NSMCE2: variants seen among roughly 807,000 people sequenced by gnomAD.
NSMCE2 encodes E3 SUMO-protein ligase NSE2.
A neutral mutation model predicts 23.8 loss-of-function variants in NSMCE2; 24 were observed. The observed-to-expected ratio is 1.01, with a 90% CI of 0.73 to 1.42. NSMCE2 has a LOEUF of 1.42. Among genes scored for constraint, NSMCE2 ranks in the 40% most tolerant of loss-of-function variants. NSMCE2 has a pLI of 0.00. For missense variants in NSMCE2, 284 were observed against 296.5 expected (o/e 0.96, Z 0.31); for synonymous variants, 92 against 94.1 (o/e 0.98, Z 0.13).
At chr8:125,344,715 CCTGG>C (rs1362279441) in intron 5 of NSMCE2, among the ~76,000 whole-genome samples, 3 of 149,726 alleles carry the variant, frequency 2.0e-5, no homozygotes, top group African/African-American at 7.4e-5. Flanking sequence ...TGCACTCCAG[CCTGG>C]CTGACAGAGC....
At chr8:125,277,448 A>T (rs1827499198) in intron 5 of NSMCE2, among the ~76,000 whole-genome samples, 1 of 152,218 alleles carries the variant, frequency 6.6e-6, no homozygotes. Flanking sequence ...AAAAAGGCAC[A>T]GGATTGAATA....
chr8:125,224,783 T>C (rs1825023748), intron 5 of NSMCE2, among the ~76,000 whole-genome samples: 1 of 152,192 alleles, frequency 6.6e-6, no homozygotes, highest in Admixed American at 6.5e-5. Flanking sequence ...GAGGAGGATA[T>C]TGAGGCTCAT....
At chr8:125,146,517 C>T (rs1320047408) in intron 3 of NSMCE2, among the ~76,000 whole-genome samples, 1 of 152,070 alleles carries the variant, frequency 6.6e-6, no homozygotes, top group African/African-American at 2.4e-5. Flanking sequence ...CAATGATAGA[C>T]TGGATTAAGA....
chr8:125,213,043 G>A (rs906100227), intron 5 of NSMCE2, among the ~76,000 whole-genome samples: 1 of 152,120 alleles, frequency 6.6e-6, no homozygotes, highest in African/African-American at 2.4e-5. Flanking sequence ...AGCAGTAAAT[G>A]ATGATTGGCT....
At chr8:125,303,675 C>T (rs17318327) in intron 5 of NSMCE2, among the ~76,000 whole-genome samples, 14,872 of 152,112 alleles carry the variant, frequency 0.098, 825 homozygotes, top group Non-Finnish European at 0.13. Flanking sequence ...AGAAATTCAA[C>T]TCCACATACT....
chr8:125,323,333 T>TA (rs1829528427), intron 5 of NSMCE2, among the ~76,000 whole-genome samples: 1 of 152,138 alleles, frequency 6.6e-6, no homozygotes, highest in Non-Finnish European at 1.5e-5. Flanking sequence ...ACAGAGGACA[T>TA]ACAGCATCCA....
At chr8:125,162,798 A>T (rs1821692292) in intron 4 of NSMCE2, among the ~76,000 whole-genome samples, 1 of 152,220 alleles carries the variant, frequency 6.6e-6, no homozygotes, top group Admixed American at 6.5e-5. Flanking sequence ...AAATGGCGAT[A>T]AACTTTCCTT....
chr8:125,366,871 C>A lies in NSMCE2; in HGVS notation c.730C>A (p.Arg244Ser), dbSNP rs1014446619. 46 of 1,603,174 alleles carry A rather than the reference C, an allele frequency of 2.9e-5. No homozygotes were observed. Among genetic ancestry groups the A allele is most frequent in the Non-Finnish European group, 3.9e-5 (46 of 1,170,228 alleles). The stretch of plus-strand genomic sequence containing the variant: ...TGAGAACCATAACAAGAAAAGACAT[C>A]GTCATTCCGAGTAGGAAAAGCCACC... ...AIENHNKKRH[R>S]HSE Residue 244 changes from arginine (R) to serine (S), a missense_variant, in exon 8 of 8, where the codon CGT (arginine) becomes AGT (serine). Arg to Ser is a moderately radical substitution (Grantham distance 110). Transcript: ENST00000287437.
At position 125,311,332 on chromosome 8, in the gene NSMCE2, G is replaced by A. The variant is rs868118587; in HGVS notation, c.419-45887G>A. Among the ~76,000 whole-genome samples the A allele has an allele frequency of 6.6e-5, 10 of 152,146 alleles. No individual in the cohort carries two copies. In the Middle Eastern group the frequency reaches 0.024, roughly 362 times the overall value. On this transcript the variant is annotated intron_variant, in intron 5 of 7. Transcript: ENST00000287437. ...TCATTTAAAACCTAGAATCTTTGTA[G>A]AAATCTGTAAAAAAAAATGCGTAAA... is the stretch of plus-strand genomic sequence containing the variant.
At chr8:125,320,046 T>A (rs1007223614) in intron 5 of NSMCE2, among the ~76,000 whole-genome samples, 3 of 151,652 alleles carry the variant, frequency 2.0e-5, no homozygotes, top group African/African-American at 7.3e-5. Context: ...CGTGGTGGCA[T>A]GCACTTATAG....
At chr8:125,171,790 A>G (rs1345106912) in intron 4 of NSMCE2, among the ~76,000 whole-genome samples, 1 of 152,142 alleles carries the variant, frequency 6.6e-6, no homozygotes, top group African/African-American at 2.4e-5. Context: ...AGTGCTTACC[A>G]AGTACTAGAG....
chr8:125,273,775 A>G (rs1421134782), intron 5 of NSMCE2, among the ~76,000 whole-genome samples: 1 of 152,160 alleles, frequency 6.6e-6, no homozygotes, highest in Non-Finnish European at 1.5e-5. Flanking sequence ...CCTCACTCAT[A>G]TTGCAGATTG....
At chr8:125,109,582 A>G (rs1046887666) in intron 3 of NSMCE2, among the ~76,000 whole-genome samples, 9 of 152,220 alleles carry the variant, frequency 5.9e-5, no homozygotes, top group Non-Finnish European at 1.0e-4. Flanking sequence ...TCACATAGGT[A>G]TCATTTTATC....
At chr8:125,340,174 C>T (rs1382517432) in intron 5 of NSMCE2, among the ~76,000 whole-genome samples, 2 of 151,824 alleles carry the variant, frequency 1.3e-5, no homozygotes, top group South Asian at 2.1e-4. Flanking sequence ...GCCATCACGC[C>T]CGGCTAATTT....
intron 5 of NSMCE2, among the ~76,000 whole-genome samples, chr8:125,295,309 CAG>C (rs1424233982): frequency 2.0e-5 from 3 of 152,116 alleles, no homozygotes; most frequent in African/African-American, 7.2e-5. Flanking sequence ...TGGAAGGTGA[CAG>C]AGTTTCACCA....
chr8:125,318,376 C>A (rs990952291), intron 5 of NSMCE2, among the ~76,000 whole-genome samples: 4 of 152,292 alleles, frequency 2.6e-5, no homozygotes, highest in African/African-American at 9.6e-5. Flanking sequence ...GCACTTCATT[C>A]CAGCCTGGGC....
chr8:125,246,947 C>G (rs1379709171), intron 5 of NSMCE2, among the ~76,000 whole-genome samples: 1 of 151,772 alleles, frequency 6.6e-6, no homozygotes, highest in Non-Finnish European at 1.5e-5. Context: ...TTAAGTATTT[C>G]AAACCAATCT....
At chr8:125,302,821 A>G (rs1454259090) in intron 5 of NSMCE2, among the ~76,000 whole-genome samples, 1 of 152,152 alleles carries the variant, frequency 6.6e-6, no homozygotes, top group Non-Finnish European at 1.5e-5. Context: ...AGCAAGACTA[A>G]TCTTAGCCTC....
chr8:125,250,320 A>T (rs1314719322), intron 5 of NSMCE2, among the ~76,000 whole-genome samples: 1 of 142,104 alleles, frequency 7.0e-6, no homozygotes, highest in Non-Finnish European at 1.5e-5. Context: ...GATAGTTATA[A>T]TGTTTTTCTT....
Sources: gnomAD v4.1 joint callset for allele counts (sites outside exome capture counted in the v4.1 genomes callset) on GRCh38, gnomAD v4.1.1 for gene constraint, MANE v1.5 for transcripts, NCBI Gene and HGNC (gene_info 2026-07-23, HGNC 2026-07-21) for gene names.